The following MLLT10 variants were observed in gnomAD, a reference collection of about 807,000 sequenced individuals.
MLLT10 encodes the protein MLLT10 histone lysine methyltransferase DOT1L cofactor.
MLLT10 carries 30 observed loss-of-function variants against 129.1 expected under a neutral mutation model. The ratio of observed to expected loss-of-function variants is 0.23; its 90% CI spans 0.17 to 0.32. The LOEUF is 0.32. Ranked by LOEUF, MLLT10 falls within the 10% of genes least tolerant of loss-of-function variation. The probability of loss-of-function intolerance (pLI) is 1.00; values close to 1 mark genes in which losing one functional copy is unlikely to be tolerated. For synonymous variants in MLLT10, 490 were observed against 446.4 expected, an observed-to-expected ratio of 1.10 and a Z score of -1.23; for missense variants, 1,119 against 1,268.3, an observed-to-expected ratio of 0.88 and a Z score of 1.79.
At chr10:21,580,797 G>T (rs559917415) in intron 3 of MLLT10, among the ~76,000 whole-genome samples, 1 of 151,110 alleles carries the variant, frequency 6.6e-6, no homozygotes, top group South Asian at 2.1e-4. Context: ...TGCCTCCTGG[G>T]TTCATGGAAT....
intron 14 of MLLT10, among the ~76,000 whole-genome samples, chr10:21,716,639 A>G (rs1004272053): frequency 1.3e-5 from 2 of 151,702 alleles, no homozygotes; most frequent in African/African-American, 4.8e-5. Context: ...GGCTGTAGTG[A>G]GCCGAGATCA....
At chr10:21,694,740 AAGTT>A (rs1416257122) in intron 13 of MLLT10, among the ~76,000 whole-genome samples, 7 of 152,210 alleles carry the variant, frequency 4.6e-5, no homozygotes, top group Admixed American at 3.9e-4. Context: ...AATTATCAGA[AAGTT>A]AGCAGCTTAA....
intron 8 of MLLT10, 34 bp downstream of exon 8, chr10:21,617,241 C>T: frequency 8.1e-7 from 1 of 1,231,486 alleles, no homozygotes; most frequent in Non-Finnish European, 1.1e-6. Context: ...ATTTGTAGCA[C>T]ATCTACTTAA....
chr10:21,624,470 A>G (rs780127876), intron 8 of MLLT10: 22 of 577,226 alleles, frequency 3.8e-5, no homozygotes, highest in Non-Finnish European at 5.7e-5. Flanking sequence ...TCTTCAGCCC[A>G]ATACAAATGG....
chr10:21,649,200 T>A (rs2048788346), intron 8 of MLLT10, among the ~76,000 whole-genome samples: 1 of 152,142 alleles, frequency 6.6e-6, no homozygotes, highest in African/African-American at 2.4e-5. Flanking sequence ...CTTGGCCCTC[T>A]TAGTAGCTGG....
chr10:21,544,106 T>C (rs1166295536), intron 3 of MLLT10, among the ~76,000 whole-genome samples: 3 of 152,214 alleles, frequency 2.0e-5, no homozygotes, highest in Non-Finnish European at 4.4e-5. Context: ...GAGGTGGATA[T>C]TATTCTTACT....
intron 2 of MLLT10, 42 bp downstream of exon 2, chr10:21,534,846 C>G: frequency 6.8e-7 from 1 of 1,478,510 alleles, no homozygotes; most frequent in Non-Finnish European, 9.0e-7. Context: ...GGCCTGCGCC[C>G]AACGGTCACC....
chr10:21,624,810 C>G lies in MLLT10; in HGVS notation c.699+7603C>G, dbSNP rs2046262797. 4 of 1,060,502 alleles carry G rather than the reference C, an allele frequency of 3.8e-6. No individual in the cohort carries two copies. The East Asian group carries it at 9.6e-5, about 26-fold the overall frequency. The allele number at this position is 1,060,502 out of a possible 1,614,324, so 65.7% of individuals were successfully genotyped here. A position where few individuals can be genotyped will look rare whatever the true frequency, so the allele number is the denominator to read the frequency against. On this transcript the variant is annotated intron_variant, in intron 8 of 22. Coordinates refer to ENST00000307729, the MANE Select transcript of MLLT10 (RefSeq NM_001195626.3). ...CATTGTCCCCTGATTGCCCTGAGAT[C>G]CACGGGAACCACGGCCACGGCCTCT...
At chr10:21,625,045 T>C in intron 8 of MLLT10, 1 of 884,190 alleles carries the variant, frequency 1.1e-6, no homozygotes, top group East Asian at 2.4e-5. Context: ...GTAACCTCCT[T>C]GATAGATGTG....
At chr10:21,552,981 T>A (rs1243269988) in intron 3 of MLLT10, among the ~76,000 whole-genome samples, 1 of 152,046 alleles carries the variant, frequency 6.6e-6, no homozygotes, top group Non-Finnish European at 1.5e-5. Context: ...CCATCTGGTC[T>A]GTTTGCTCCT....
chr10:21,702,474 C>T (rs1352138314), intron 13 of MLLT10, among the ~76,000 whole-genome samples: 1 of 152,072 alleles, frequency 6.6e-6, no homozygotes, highest in Non-Finnish European at 1.5e-5. Context: ...GTCCAGTGTT[C>T]GTTTTTTGAT....
intron 10 of MLLT10, 72 bp from the exon 11 acceptor site, chr10:21,673,278 A>T (rs2051675766): frequency 1.0e-6 from 1 of 975,624 alleles, no homozygotes; most frequent in Non-Finnish European, 1.5e-6. Flanking sequence ...TGCTTATGGG[A>T]ACTTTAGCAT....
chr10:21,732,107 G>C (rs1049613475), intron 17 of MLLT10, among the ~76,000 whole-genome samples: 3 of 152,148 alleles, frequency 2.0e-5, no homozygotes, highest in African/African-American at 7.2e-5. Flanking sequence ...CATGGGAAAC[G>C]GCCAGATGTG....
intron 8 of MLLT10, among the ~76,000 whole-genome samples, chr10:21,624,347 A>G (rs1258971997): frequency 6.6e-6 from 1 of 152,208 alleles, no homozygotes; most frequent in African/African-American, 2.4e-5. Context: ...GAAGCCCGAA[A>G]TGATAAAAAC....
chr10:21,691,493 T>C (rs2053845953), intron 13 of MLLT10, among the ~76,000 whole-genome samples: 1 of 152,192 alleles, frequency 6.6e-6, no homozygotes, highest in Admixed American at 6.5e-5. Flanking sequence ...ATGCATGCAT[T>C]AGGAGCAACT....
At position 21,738,395 on chromosome 10, in the gene MLLT10, C is replaced by T. The variant is rs970856650; in HGVS notation, c.2956-1635C>T. On this transcript the variant is annotated intron_variant, in intron 21 of 22. Transcript: ENST00000307729. ...TCTTCCTATTAATCAAGATTTTACT[C>T]TAATAATAGCATGTGTAGCTGTCTC... The T allele has an allele frequency of 9.3e-6, 12 of 1,287,468 alleles. No homozygotes were observed. In the African/African-American group the frequency reaches 1.5e-4, roughly 16 times the overall value. 79.8% of individuals were successfully genotyped at this position (1,287,468 alleles called of 1,614,324 possible).
At chr10:21,543,651 G>A (rs1410242507) in intron 3 of MLLT10, among the ~76,000 whole-genome samples, 2 of 151,936 alleles carry the variant, frequency 1.3e-5, no homozygotes, top group Non-Finnish European at 2.9e-5. Flanking sequence ...GCTAAGTTTT[G>A]TATTTTTAGT....
chr10:21,548,273 C>T (rs1197084900), intron 3 of MLLT10, among the ~76,000 whole-genome samples: 1 of 151,900 alleles, frequency 6.6e-6, no homozygotes, highest in Non-Finnish European at 1.5e-5. Flanking sequence ...ATACTGTAAC[C>T]TTCTCATTAA....
chr10:21,655,025 G>A (rs1445293141), intron 9 of MLLT10, among the ~76,000 whole-genome samples: 1 of 152,096 alleles, frequency 6.6e-6, no homozygotes, highest in Non-Finnish European at 1.5e-5. Flanking sequence ...GTAGTAAAGA[G>A]TGAATTAGAA....
Sources: gnomAD v4.1 joint callset for allele counts (sites outside exome capture counted in the v4.1 genomes callset) on GRCh38, gnomAD v4.1.1 for gene constraint, MANE v1.5 for transcripts, NCBI Gene and HGNC (gene_info 2026-07-23, HGNC 2026-07-21) for gene names.